PHIP: variants seen among roughly 807,000 people sequenced by gnomAD.
The protein encoded by PHIP is PH-interacting protein.
Under a neutral mutation model 236.8 loss-of-function variants are expected in PHIP, and 54 were observed. The ratio of observed to expected loss-of-function variants is 0.23; its 90% CI spans 0.18 to 0.29. The LOEUF is 0.29. Ranked by LOEUF, PHIP falls within the 10% of genes least tolerant of loss-of-function variation. PHIP has a pLI of 1.00. For synonymous variants in PHIP, 756 were observed against 718.9 expected, an observed-to-expected ratio of 1.05 and a Z score of -0.83; for missense variants, 1,370 against 2,190.8, an observed-to-expected ratio of 0.63 and a Z score of 7.48.
chr6:79,014,639 T>C lies in PHIP; in HGVS notation c.1524+443A>G, dbSNP rs1055069885. Among the ~76,000 whole-genome samples the C allele has an allele frequency of 5.9e-5, 9 of 151,862 alleles. 1 individual carries two copies. Among genetic ancestry groups the C allele is most frequent in the Admixed American group, 2.0e-4 (3 of 15,230 alleles). ...ACTCAAATATTTAATATACTACCAATTGATTAAAAGCAAGAAATGCTTGAT... is the reference window on the plus strand; with the variant it reads ...ACTCAAATATTTAATATACTACCAACTGATTAAAAGCAAGAAATGCTTGAT... On this transcript the variant is annotated intron_variant, in intron 15 of 39. Transcript: ENST00000275034.
chr6:78,995,384 G>A (rs1348164394), intron 19 of PHIP, among the ~76,000 whole-genome samples: 1 of 152,170 alleles, frequency 6.6e-6, no homozygotes, highest in Non-Finnish European at 1.5e-5. Flanking sequence ...ATTCCCAATA[G>A]TGCAACTGCT....
chr6:78,956,382 T>A (rs187737274), intron 32 of PHIP: 1 of 152,272 alleles, frequency 6.6e-6, no homozygotes, highest in East Asian at 1.9e-4. Context: ...TAAGCCCTCA[T>A]CAACTCTTAG....
At chr6:78,943,604 T>G (rs749255115) in intron 39 of PHIP, among the ~76,000 whole-genome samples, 1 of 152,212 alleles carries the variant, frequency 6.6e-6, no homozygotes, top group Non-Finnish European at 1.5e-5. Flanking sequence ...CTCAGATTCT[T>G]TGGAGATACA....
intron 6 of PHIP, among the ~76,000 whole-genome samples, chr6:79,055,217 G>A (rs1773009956): frequency 6.6e-6 from 1 of 152,062 alleles, no homozygotes; most frequent in South Asian, 2.1e-4. Flanking sequence ...CATGTCAAAT[G>A]TAAGAAAAAT....
Position 78,975,996 on chromosome 6 carries a change from C to A in PHIP, c.2889+2596G>T, listed in dbSNP as rs375394729. On this transcript the variant is annotated intron_variant, in intron 24 of 39. Coordinates refer to ENST00000275034, the MANE Select transcript of PHIP (RefSeq NM_017934.7). Reference sequence around the variant, plus strand: ...TGCCATCCCCATCAAGCTACCAATGCCTTTCTTCACAGAATTGGAAAAAAC... The same window carrying A: ...TGCCATCCCCATCAAGCTACCAATGACTTTCTTCACAGAATTGGAAAAAAC... Among the ~76,000 whole-genome samples the A allele has an allele frequency of 1.5e-4, 23 of 151,650 alleles. 1 individual carries two copies. The highest frequency in any genetic ancestry group is 3.1e-4 in the African/African-American group (13 of 41,348).
At chr6:78,968,048 T>C (rs975483275) in intron 27 of PHIP, among the ~76,000 whole-genome samples, 2 of 151,984 alleles carry the variant, frequency 1.3e-5, no homozygotes, top group Non-Finnish European at 2.9e-5. Context: ...TGAGGTAGAA[T>C]GGTGTGAACC....
Position 78,982,968 on chromosome 6 carries a change from T to C in PHIP, c.2687A>G (p.Lys896Arg). The C allele has an allele frequency of 6.2e-7, 1 of 1,606,954 alleles. No individual in the cohort carries two copies. The highest frequency in any genetic ancestry group is 8.5e-7 in the Non-Finnish European group (1 of 1,176,686). Residue 896 changes from lysine to arginine, a missense_variant, in exon 23 of 40, where the codon AAA becomes AGA. Physicochemically the swap from Lys to Arg is conservative, Grantham distance 26. Transcript: ENST00000275034. The stretch of plus-strand genomic sequence containing the variant: ...TTCATTTACTTTTTTCTTTTCCTTT[T>C]TAATCTGTTTTTGCTTCTGTTTTTC... ...ESEKQKQKQIKKEKKKVNEEK... is the reference protein window; with the variant it reads ...ESEKQKQKQIRKEKKKVNEEK...
intron 24 of PHIP, among the ~76,000 whole-genome samples, chr6:78,976,692 A>C (rs1319903464): frequency 2.0e-5 from 3 of 148,662 alleles, no homozygotes; most frequent in Middle Eastern, 3.6e-3. Context: ...AAAAACAAAC[A>C]ACCACATCAA....
chr6:79,042,734 G>A (rs1011087589), intron 7 of PHIP, 109 bp downstream of exon 7: 37 of 700,568 alleles, frequency 5.3e-5, no homozygotes, highest in African/African-American at 3.8e-4. Flanking sequence ...CTGAATTTCC[G>A]GTTTCCTATT....
chr6:79,015,537 T>C, intron 14 of PHIP, 93 bp downstream of exon 14: 1 of 957,730 alleles, frequency 1.0e-6, no homozygotes, highest in Non-Finnish European at 1.6e-6. Context: ...CAAGAGTTTT[T>C]AGCTAACATA....
Position 79,068,682 on chromosome 6 carries a change from C to T in PHIP, c.190-7864G>A, listed in dbSNP as rs575857519. ...AGTTAGTACTGTACCTAACAGTTGG[C>T]TGTTACTTTAATTACATTCTATATT... On this transcript the variant is annotated intron_variant, in intron 4 of 39. Transcript: ENST00000275034. 4.6e-5 allele frequency among the ~76,000 whole-genome samples: 7 copies of T among 152,226 alleles called. No homozygotes were observed. The East Asian group carries it at 1.4e-3, about 29-fold the overall frequency.
intron 15 of PHIP, among the ~76,000 whole-genome samples, chr6:79,005,890 TTAG>T (rs1770264596): frequency 1.3e-5 from 2 of 152,026 alleles, no homozygotes; most frequent in East Asian, 3.9e-4. Flanking sequence ...ACATTTACAG[TTAG>T]TAGATCTCTG....
intron 29 of PHIP, among the ~76,000 whole-genome samples, chr6:78,964,047 T>C (rs995659995): frequency 8.5e-5 from 13 of 152,208 alleles, no homozygotes; most frequent in Admixed American, 8.5e-4. Context: ...TCCAAGGCAT[T>C]ATAACACCAA....
chr6:79,078,086 G>A lies in PHIP; in HGVS notation c.-18C>T. The A allele has an allele frequency of 1.2e-6, 2 of 1,606,780 alleles. No individual in the cohort carries two copies. Among genetic ancestry groups the A allele is most frequent in the Non-Finnish European group, 1.7e-6 (2 of 1,178,250 alleles). Reference sequence around the variant, plus strand: ...CAAGACATGTTTATGGGTCACTTCAGGGCCGCCGACGGGACACCCCGCCGC... The same window carrying A: ...CAAGACATGTTTATGGGTCACTTCAAGGCCGCCGACGGGACACCCCGCCGC... On this transcript the variant is annotated 5_prime_UTR_variant, in exon 1 of 40. Transcript: ENST00000275034.
intron 4 of PHIP, among the ~76,000 whole-genome samples, chr6:79,062,490 T>C (rs1773426931): frequency 2.6e-5 from 4 of 152,182 alleles, no homozygotes; most frequent in Admixed American, 2.6e-4. Context: ...TATTTTAATG[T>C]GACTTAATTG....
rs774899174 is a variant in PHIP, at chr6:79,078,087, GGCCGCCGACGGGACACCCC to G, written c.-38_-20del. On this transcript the variant is annotated 5_prime_UTR_variant, in exon 1 of 40. Coordinates refer to ENST00000275034, the MANE Select transcript of PHIP (RefSeq NM_017934.7). The stretch of plus-strand genomic sequence containing the variant: ...AAGACATGTTTATGGGTCACTTCAG[GGCCGCCGACGGGACACCCC>G]GCCGCCGAGGGGAAGCGGGGACGGT... 5 of 1,606,374 alleles carry G rather than the reference GGCCGCCGACGGGACACCCC, an allele frequency of 3.1e-6. No individual in the cohort carries two copies. The highest frequency in any genetic ancestry group is 1.7e-5 in the Admixed American group (1 of 59,652).
intron 39 of PHIP, among the ~76,000 whole-genome samples, chr6:78,943,411 TG>T (rs1187812995): frequency 6.6e-6 from 1 of 152,220 alleles, no homozygotes; most frequent in Non-Finnish European, 1.5e-5. Context: ...CATATATATT[TG>T]ATTTCTCTAG....
chr6:78,985,629 T>A lies in PHIP; in HGVS notation c.2461-201A>T, dbSNP rs530545095. ...GTCAAGGTGGGCAGATCACTTAAGGTTAGGGGTTCGAGACCAGCCTGGCCA... is the reference window on the plus strand; with the variant it reads ...GTCAAGGTGGGCAGATCACTTAAGGATAGGGGTTCGAGACCAGCCTGGCCA... On this transcript the variant is annotated intron_variant, in intron 21 of 39. Coordinates refer to ENST00000275034, the MANE Select transcript of PHIP (RefSeq NM_017934.7). 2.6e-5 allele frequency among the ~76,000 whole-genome samples: 4 copies of A among 152,190 alleles called. No individual in the cohort carries two copies. The East Asian group carries it at 7.7e-4, about 29-fold the overall frequency.
At chr6:79,008,462 T>C (rs1026612605) in intron 15 of PHIP, among the ~76,000 whole-genome samples, 2 of 152,112 alleles carry the variant, frequency 1.3e-5, no homozygotes, top group Non-Finnish European at 2.9e-5. Flanking sequence ...TTTAACATCA[T>C]TTTGTACCCA....
Sources: allele counts gnomAD v4.1 joint callset (sites outside exome capture counted in the v4.1 genomes callset), GRCh38; gene constraint gnomAD v4.1.1; transcripts MANE v1.5; gene names NCBI Gene and HGNC (gene_info 2026-07-23, HGNC 2026-07-21).